ADCY10: variants seen among roughly 807,000 people sequenced by gnomAD.
ADCY10 encodes the protein adenylate cyclase type 10.
A neutral mutation model predicts 183.3 loss-of-function variants in ADCY10; 156 were observed. The observed-to-expected ratio is 0.85, with a 90% CI of 0.75 to 0.97. The LOEUF is 0.97. Among genes scored for constraint, ADCY10 ranks in the 50% least tolerant of loss-of-function variants. The probability of loss-of-function intolerance (pLI) is 0.00; values close to 1 mark genes in which losing one functional copy is unlikely to be tolerated. For synonymous variants in ADCY10, 645 were observed against 670.0 expected, an observed-to-expected ratio of 0.96 and a Z score of 0.58; for missense variants, 1,745 against 1,934.3, an observed-to-expected ratio of 0.90 and a Z score of 1.84.
At chr1:167,864,585 A>AAG (rs1476047517) in intron 14 of ADCY10, among the ~76,000 whole-genome samples, 1 of 152,144 alleles carries the variant, frequency 6.6e-6, no homozygotes, top group African/African-American at 2.4e-5. Flanking sequence ...AGGAAAGTCA[A>AAG]AGAGAGAGAG....
At chr1:167,846,859 T>C (rs1298833656) in intron 19 of ADCY10, among the ~76,000 whole-genome samples, 1 of 152,168 alleles carries the variant, frequency 6.6e-6, no homozygotes, top group Non-Finnish European at 1.5e-5. Flanking sequence ...AGGATGTCCT[T>C]CTGTTAGGGA....
intron 30 of ADCY10, chr1:167,819,899 C>A (rs2101850958): frequency 1.1e-6 from 1 of 927,264 alleles, no homozygotes; most frequent in South Asian, 1.3e-5. Context: ...AAAGCCAAAT[C>A]GGATCAACAG....
At position 167,845,586 on chromosome 1, in the gene ADCY10, A is replaced by G; in HGVS notation, c.2984T>C (p.Met995Thr). 1 of 1,614,246 alleles carries G rather than the reference A, an allele frequency of 6.2e-7. No homozygotes were observed. Among genetic ancestry groups the G allele is most frequent in the Non-Finnish European group, 8.5e-7 (1 of 1,180,028 alleles). ...ACTTTTAAATCCATGAGACATAGCC[A>G]TCTTTTTAATGGCATCCATGTCTAA... The part of the protein sequence containing the change: ...NALDMDAIKK[M>T]AMSHGFKTEE... Residue 995 changes from methionine to threonine, a missense_variant, in exon 21 of 33, where the codon ATG becomes ACG. Physicochemically the swap from Met to Thr is moderately conservative, Grantham distance 81. Transcript: ENST00000367851.
At chr1:167,818,899 G>T (rs952360911) in intron 30 of ADCY10, among the ~76,000 whole-genome samples, 26 of 152,110 alleles carry the variant, frequency 1.7e-4, no homozygotes, top group African/African-American at 6.0e-4. Context: ...GGATTCTGGG[G>T]CTTGAAGAAA....
chr1:167,822,153 A>G lies in ADCY10; in HGVS notation c.4169-12T>C. The G allele has an allele frequency of 1.3e-6, 2 of 1,494,938 alleles. No homozygotes were observed. The highest frequency in any genetic ancestry group is 1.9e-6 in the Non-Finnish European group (2 of 1,071,372). The allele number at this position is 1,494,938 out of a possible 1,614,324, so 92.6% of individuals were successfully genotyped here. On this transcript the variant is annotated splice_polypyrimidine_tract_variant and intron_variant, in intron 29 of 32. Coordinates refer to ENST00000367851, the MANE Select transcript of ADCY10 (RefSeq NM_018417.6). ...TCTATAAACAAAACCTAAGAGAGAG[A>G]GGAATGGGTGAGAGTTATTAGTAGG...
At chr1:167,858,691 A>G (rs1222760015) in intron 16 of ADCY10, among the ~76,000 whole-genome samples, 1 of 152,184 alleles carries the variant, frequency 6.6e-6, no homozygotes, top group African/African-American at 2.4e-5. Flanking sequence ...AGTTCTCACC[A>G]AAGAGGTGAC....
At chr1:167,901,610 GT>G in intron 5 of ADCY10, 51 bp downstream of exon 5, 3 of 1,577,162 alleles carry the variant, frequency 1.9e-6, no homozygotes. Context: ...TGCCCCAGGA[GT>G]CAAGACCCTA....
At chr1:167,822,348 T>C (rs915247348) in intron 29 of ADCY10, among the ~76,000 whole-genome samples, 10 of 152,166 alleles carry the variant, frequency 6.6e-5, no homozygotes, top group African/African-American at 1.2e-4. Flanking sequence ...GTTATGGATA[T>C]ATACTACAGT....
intron 23 of ADCY10, chr1:167,834,450 G>C (rs1664040591): frequency 3.1e-6 from 1 of 317,590 alleles, no homozygotes; most frequent in African/African-American, 2.1e-5. Context: ...CACTTCCCTT[G>C]AACAGCATCC....
At chr1:167,898,392 A>G (rs1448655190) in intron 6 of ADCY10, among the ~76,000 whole-genome samples, 1 of 152,024 alleles carries the variant, frequency 6.6e-6, no homozygotes, top group Non-Finnish European at 1.5e-5. Flanking sequence ...CGAAGTCAGG[A>G]GTTCAAGACC....
At chr1:167,879,615 G>A (rs1019196194) in intron 11 of ADCY10, among the ~76,000 whole-genome samples, 5 of 151,862 alleles carry the variant, frequency 3.3e-5, no homozygotes, top group Admixed American at 6.6e-5. Context: ...CATAACTATC[G>A]TGGTATTTTA....
intron 21 of ADCY10, among the ~76,000 whole-genome samples, chr1:167,840,624 G>T (rs554294780): frequency 6.6e-6 from 1 of 152,108 alleles, no homozygotes; most frequent in South Asian, 2.1e-4. Flanking sequence ...ACAAAGTGCT[G>T]CAATTACAGG....
Position 167,829,265 on chromosome 1 carries a change from A to G in ADCY10, c.3750+2T>C. 6.2e-7 allele frequency: 1 copy of G among 1,613,998 alleles called. No individual in the cohort carries two copies. The highest frequency in any genetic ancestry group is 8.5e-7 in the Non-Finnish European group (1 of 1,179,896). On this transcript the variant is annotated splice_donor_variant, in intron 26 of 32. Coordinates refer to ENST00000367851, the MANE Select transcript of ADCY10 (RefSeq NM_018417.6). LOFTEE classifies it high-confidence loss of function. ...AAAGGAGCAGCTACAAAAATCCCCT[A>G]CCTGGAAACAATTTTGAGTTTCCAG...
In ADCY10 at chr1:167,845,794, T is replaced by G. The variant is rs1161517422; in HGVS notation, c.2776A>C (p.Ile926Leu). The change falls in exon 21 of 33, where the codon ATT becomes CTT. Residue 926 changes from isoleucine to leucine, a missense_variant. Physicochemically the swap from Ile to Leu is conservative, Grantham distance 5 (BLOSUM62 2). Coordinates refer to ENST00000367851, the MANE Select transcript of ADCY10 (RefSeq NM_018417.6). ...LENEVIECHRIRFCNPMMQKT... is the reference protein window; with the variant it reads ...LENEVIECHRLRFCNPMMQKT... Reference sequence around the variant, plus strand: ...TGCATCATAGGGTTACAGAATCGAATCCTGTGGCACTCGATCACCTCATTC... The same window carrying G: ...TGCATCATAGGGTTACAGAATCGAAGCCTGTGGCACTCGATCACCTCATTC... 1 of 1,614,164 alleles carries G rather than the reference T, an allele frequency of 6.2e-7. No homozygotes were observed. Among genetic ancestry groups the G allele is most frequent in the South Asian group, 1.1e-5 (1 of 91,078 alleles).
chr1:167,830,455 G>T (rs186958071), intron 25 of ADCY10, among the ~76,000 whole-genome samples: 113 of 151,684 alleles, frequency 7.4e-4, no homozygotes, highest in Non-Finnish European at 1.4e-3. Flanking sequence ...GCAGTGGCAT[G>T]ATCTCAGCTC....
At chr1:167,881,458 G>T (rs1667863524) in intron 9 of ADCY10, among the ~76,000 whole-genome samples, 1 of 152,168 alleles carries the variant, frequency 6.6e-6, no homozygotes, top group Non-Finnish European at 1.5e-5. Flanking sequence ...TCTTAAAAAG[G>T]ACTGGGATCT....
At chr1:167,859,980 A>G (rs1666179382) in intron 15 of ADCY10, 87 bp from the exon 16 acceptor site, 3 of 980,948 alleles carry the variant, frequency 3.1e-6, no homozygotes, top group Non-Finnish European at 4.9e-6. Context: ...ACACTTAACT[A>G]TTCTGTGTCT....
chr1:167,904,081 GCT>G, intron 2 of ADCY10, 90 bp from the exon 3 acceptor site: 1 of 501,774 alleles, frequency 2.0e-6, no homozygotes, highest in Non-Finnish European at 3.4e-6. Context: ...GCGGGCCTCA[GCT>G]TTTTTTTTTT....
intron 30 of ADCY10, among the ~76,000 whole-genome samples, chr1:167,819,423 G>C (rs1325201744): frequency 1.3e-5 from 2 of 151,874 alleles, no homozygotes; most frequent in Non-Finnish European, 2.9e-5. Context: ...ATTTTTAGTA[G>C]AGACACGGTT....
Sources: gnomAD v4.1 joint callset for allele counts (sites outside exome capture counted in the v4.1 genomes callset) on GRCh38, gnomAD v4.1.1 for gene constraint, MANE v1.5 for transcripts, NCBI Gene and HGNC (gene_info 2026-07-23, HGNC 2026-07-21) for gene names.